SNRK: variants seen among roughly 807,000 people sequenced by gnomAD.
SNRK encodes the protein SNF related kinase.
Under a neutral mutation model 48.2 loss-of-function variants are expected in SNRK, and 3 were observed. That is an observed-to-expected ratio of 0.06 (90% confidence interval 0.03 to 0.16). The LOEUF (loss-of-function observed/expected upper bound fraction) is 0.16. SNRK is among the 10% of genes least tolerant of loss of function. The pLI is 1.00. For synonymous variants in SNRK, 376 were observed against 366.1 expected, an observed-to-expected ratio of 1.03 and a Z score of -0.31; for missense variants, 627 against 976.0, an observed-to-expected ratio of 0.64 and a Z score of 4.76.
At chr3:43,328,806 C>G (rs2091122921) in intron 3 of SNRK, among the ~76,000 whole-genome samples, 1 of 152,102 alleles carries the variant, frequency 6.6e-6, no homozygotes, top group Non-Finnish European at 1.5e-5. Context: ...ACATCTGTTT[C>G]ACTAATTTCC....
At chr3:43,294,271 C>G (rs1368658660) in intron 1 of SNRK, among the ~76,000 whole-genome samples, 1 of 152,088 alleles carries the variant, frequency 6.6e-6, no homozygotes, top group African/African-American at 2.4e-5. Context: ...AAATGCCTAG[C>G]ATCAGAAGTG....
At chr3:43,321,792 C>T (rs569633788) in intron 3 of SNRK, among the ~76,000 whole-genome samples, 33 of 152,288 alleles carry the variant, frequency 2.2e-4, no homozygotes, top group African/African-American at 6.7e-4. Context: ...CGCCTACTTA[C>T]CATGGAAGCA....
chr3:43,294,143 T>A (rs2090834533), intron 1 of SNRK, among the ~76,000 whole-genome samples: 1 of 152,190 alleles, frequency 6.6e-6, no homozygotes. Flanking sequence ...CACTGAACAT[T>A]GTTGAATATA....
In SNRK at chr3:43,340,267, G is replaced by A; in HGVS notation, c.732-20G>A. Reference sequence around the variant, plus strand: ...CTTGCAAGCAGTTTGCTTTAACAATGGACTTACCTTCCTTTCCAGCCTAAT... The same window carrying A: ...CTTGCAAGCAGTTTGCTTTAACAATAGACTTACCTTCCTTTCCAGCCTAAT... On this transcript the variant is annotated intron_variant, in intron 4 of 6. Coordinates refer to ENST00000296088, the MANE Select transcript of SNRK (RefSeq NM_017719.5). 1 of 1,602,082 alleles carries A rather than the reference G, an allele frequency of 6.2e-7. No individual in the cohort carries two copies. The highest frequency in any genetic ancestry group is 8.6e-7 in the Non-Finnish European group (1 of 1,169,428).
intron 3 of SNRK, among the ~76,000 whole-genome samples, chr3:43,309,742 G>A (rs1278944593): frequency 2.0e-5 from 3 of 151,792 alleles, no homozygotes; most frequent in Non-Finnish European, 4.4e-5. Context: ...TCAGCCTCCT[G>A]AGTAATTGGG....
intron 4 of SNRK, 117 bp downstream of exon 4, chr3:43,332,427 G>GATTTTA (rs1251578728): frequency 6.7e-5 from 26 of 386,592 alleles, no homozygotes; most frequent in African/African-American, 5.8e-4. Context: ...CATCTGGGTT[G>GATTTTA]ATTTTAATTT....
chr3:43,346,565 G>A (rs1028057098), intron 6 of SNRK, among the ~76,000 whole-genome samples: 1 of 152,182 alleles, frequency 6.6e-6, no homozygotes, highest in Non-Finnish European at 1.5e-5. Context: ...CACTACTCTT[G>A]TATGGGCATT....
At chr3:43,343,602 A>G (rs2091253872) in intron 6 of SNRK, 124 bp downstream of exon 6, 1 of 1,052,648 alleles carries the variant, frequency 9.5e-7, no homozygotes, top group Non-Finnish European at 1.4e-6. Context: ...TGACGGCCTC[A>G]TTGGAGAGGC....
chr3:43,346,946 T>C (rs1012210549), intron 6 of SNRK: 1 of 162,420 alleles, frequency 6.2e-6, no homozygotes, highest in African/African-American at 2.4e-5. Context: ...TTATTTGTAG[T>C]AATATACCTT....
intron 4 of SNRK, among the ~76,000 whole-genome samples, chr3:43,334,990 T>TG (rs2091175714): frequency 6.6e-6 from 1 of 152,046 alleles, no homozygotes; most frequent in African/African-American, 2.4e-5. Context: ...ATCTTTTTTT[T>TG]GTCTTGATCA....
chr3:43,309,646 T>A (rs1311310739), intron 3 of SNRK, among the ~76,000 whole-genome samples: 2 of 150,550 alleles, frequency 1.3e-5, no homozygotes, highest in African/African-American at 2.4e-5. Flanking sequence ...AGATAGGGAC[T>A]CTCTCTGTAG....
chr3:43,341,299 T>C (rs1299535705), intron 5 of SNRK, among the ~76,000 whole-genome samples: 2 of 152,132 alleles, frequency 1.3e-5, no homozygotes, highest in African/African-American at 2.4e-5. Context: ...TACAGGTGCC[T>C]GCAACCACGC....
chr3:43,296,523 T>G (rs1160151673), intron 1 of SNRK, among the ~76,000 whole-genome samples: 1 of 151,238 alleles, frequency 6.6e-6, no homozygotes, highest in Non-Finnish European at 1.5e-5. Flanking sequence ...AATGAAATGT[T>G]TATTATAGAT....
At chr3:43,306,125 A>G (rs1226822857) in intron 3 of SNRK, among the ~76,000 whole-genome samples, 3 of 152,174 alleles carry the variant, frequency 2.0e-5, no homozygotes, top group African/African-American at 7.2e-5. Context: ...GTGTTGGTGA[A>G]GTAGGCTTGG....
intron 3 of SNRK, chr3:43,314,844 A>C (rs1342130029): frequency 6.6e-6 from 1 of 152,176 alleles, no homozygotes; most frequent in Non-Finnish European, 1.5e-5. Flanking sequence ...CAGGAGTTCA[A>C]GTCCAGCCTA....
At position 43,348,380 on chromosome 3, in the gene SNRK, C is replaced by G; in HGVS notation, c.2121C>G (p.Phe707Leu). The part of the protein sequence containing the change: ...QVPAVGGIKF[F>L]SDHMADTTTE... Reference sequence around the variant, plus strand: ...CTGCAGTGGGCGGCATAAAGTTTTTCTCTGACCACATGGCAGATACCACCA... The same window carrying G: ...CTGCAGTGGGCGGCATAAAGTTTTTGTCTGACCACATGGCAGATACCACCA... The change falls in exon 7 of 7, where the codon TTC becomes TTG. Residue 707 changes from phenylalanine (F) to leucine (L), a missense_variant. By Grantham distance (22) the Phe-to-Leu change is conservative. This residue lies in a region of SNRK where 207 missense variants were observed against 234.3 expected (regional missense o/e 0.88). Coordinates refer to ENST00000296088, the MANE Select transcript of SNRK (RefSeq NM_017719.5). 1.9e-6 allele frequency: 3 copies of G among 1,608,444 alleles called. No individual in the cohort carries two copies. The highest frequency in any genetic ancestry group is 2.5e-6 in the Non-Finnish European group (3 of 1,177,594).
chr3:43,343,030 T>C (rs2091249182), intron 5 of SNRK, among the ~76,000 whole-genome samples: 1 of 101,552 alleles, frequency 9.8e-6, no homozygotes, highest in Non-Finnish European at 2.0e-5. Context: ...CAAATTCAAA[T>C]TTTGAATAAT....
chr3:43,307,712 T>G (rs959103640), intron 3 of SNRK, among the ~76,000 whole-genome samples: 1 of 152,188 alleles, frequency 6.6e-6, no homozygotes. Flanking sequence ...TCTCTCTCTC[T>G]CTTCTTGGGC....
At chr3:43,314,700 A>T (rs1448458031) in intron 3 of SNRK, among the ~76,000 whole-genome samples, 1 of 152,192 alleles carries the variant, frequency 6.6e-6, no homozygotes, top group African/African-American at 2.4e-5. Context: ...AAGATAGTAC[A>T]GCCTAAGTAA....
Sources: gnomAD v4.1 joint callset for allele counts (sites outside exome capture counted in the v4.1 genomes callset) on GRCh38, gnomAD v4.1.1 for gene constraint, gnomAD v4.1.1 regional missense constraint, MANE v1.5 for transcripts, NCBI Gene and HGNC (gene_info 2026-07-23, HGNC 2026-07-21) for gene names.